The following NRP1 variants were observed in gnomAD, a reference collection of about 807,000 sequenced individuals.
The protein encoded by NRP1 is neuropilin 1.
In NRP1, 35 loss-of-function variants were observed where a neutral mutation model predicts 106.7. The ratio of observed to expected loss-of-function variants is 0.33; its 90% CI spans 0.25 to 0.43. The LOEUF (loss-of-function observed/expected upper bound fraction) is 0.43. Among genes scored for constraint, NRP1 ranks in the 20% least tolerant of loss-of-function variants. The pLI, the probability that NRP1 is intolerant of heterozygous loss-of-function variation, is 1.00. For missense variants in NRP1, 1,024 were observed against 1,170.4 expected, an observed-to-expected ratio of 0.87 and a Z score of 1.83; for synonymous variants, 437 against 417.9, an observed-to-expected ratio of 1.05 and a Z score of -0.56.
At chr10:33,184,342 C>CATGGA (rs1564361007) in intron 15 of NRP1, among the ~76,000 whole-genome samples, 1 of 152,166 alleles carries the variant, frequency 6.6e-6, no homozygotes, top group African/African-American at 2.4e-5. Context: ...CTGGAGCATC[C>CATGGA]GCATGCTGCT....
At chr10:33,256,958 A>T (rs1842237160) in intron 4 of NRP1, among the ~76,000 whole-genome samples, 1 of 152,110 alleles carries the variant, frequency 6.6e-6, no homozygotes. Flanking sequence ...CAGGGGTCTG[A>T]TCCACGATTG....
chr10:33,329,148 A>T (rs895716012), intron 2 of NRP1, among the ~76,000 whole-genome samples: 3 of 152,230 alleles, frequency 2.0e-5, no homozygotes, highest in African/African-American at 7.2e-5. Flanking sequence ...AAAATAAATA[A>T]ATCAATACAA....
chr10:33,300,735 A>G (rs1845744203), intron 2 of NRP1, among the ~76,000 whole-genome samples: 1 of 152,100 alleles, frequency 6.6e-6, no homozygotes, highest in Non-Finnish European at 1.5e-5. Context: ...GAATGCAACC[A>G]TTTGTCTCTT....
intron 2 of NRP1, among the ~76,000 whole-genome samples, chr10:33,318,937 G>A (rs1847237331): frequency 6.6e-6 from 1 of 151,472 alleles, no homozygotes; most frequent in Non-Finnish European, 1.5e-5. Context: ...ATGGAAGAGG[G>A]TGAGAGGTGA....
chr10:33,270,946 TGTGCCAG>T, intron 2 of NRP1, 90 bp from the exon 3 acceptor site: 1 of 1,173,940 alleles, frequency 8.5e-7, no homozygotes, highest in East Asian at 2.6e-5. Context: ...TCCAGCATAG[TGTGCCAG>T]GAAGAAAAAA....
At chr10:33,247,472 T>C (rs1363922097) in intron 6 of NRP1, among the ~76,000 whole-genome samples, 2 of 152,130 alleles carry the variant, frequency 1.3e-5, no homozygotes, top group Non-Finnish European at 1.5e-5. Flanking sequence ...CTGGATGGGA[T>C]GTTGGTGAAG....
chr10:33,262,488 A>G (rs1842638554), intron 4 of NRP1, among the ~76,000 whole-genome samples: 1 of 152,036 alleles, frequency 6.6e-6, no homozygotes, highest in Non-Finnish European at 1.5e-5. Flanking sequence ...GGATCTCTTG[A>G]GGTCAGGAGT....
At chr10:33,256,263 G>A in intron 5 of NRP1, 53 bp downstream of exon 5, 1 of 1,571,120 alleles carries the variant, frequency 6.4e-7, no homozygotes, top group Non-Finnish European at 8.7e-7. Context: ...TGTGTGAGCA[G>A]GAATAACATT....
rs1296251277 is a variant in NRP1, at chr10:33,263,749, A to T, written c.555T>A (p.Ile185=). 6.2e-7 allele frequency: 1 copy of T among 1,614,042 alleles called. No individual in the cohort carries two copies. Among genetic ancestry groups the T allele is most frequent in the Admixed American group, 1.7e-5 (1 of 60,028 alleles). Reference sequence around the variant, plus strand: ...GGTCAAAGCTTTCAAATTCCAGGATAATCTCTGACATCTTTGGCACAAAGA... The same window carrying T: ...GGTCAAAGCTTTCAAATTCCAGGATTATCTCTGACATCTTTGGCACAAAGA... The part of the protein sequence containing the change: ...YIVFVPKMSE[I]ILEFESFDLE... The change falls in exon 4 of 17, where the codon ATT becomes ATA. Residue 185 remains isoleucine (I), a synonymous_variant. Transcript: ENST00000374867.
intron 2 of NRP1, among the ~76,000 whole-genome samples, chr10:33,300,458 C>A (rs557726059): frequency 1.3e-5 from 2 of 152,308 alleles, no homozygotes; most frequent in Non-Finnish European, 2.9e-5. Flanking sequence ...GAGTTCCTCC[C>A]GCCCGGCCTG....
chr10:33,180,537 G>C (rs1403787092), intron 16 of NRP1, among the ~76,000 whole-genome samples, 172 bp from the exon 17 acceptor site: 2 of 152,110 alleles, frequency 1.3e-5, no homozygotes, highest in African/African-American at 2.4e-5. Flanking sequence ...GGGAGTGGGC[G>C]CTGGGGCTTC....
intron 6 of NRP1, among the ~76,000 whole-genome samples, chr10:33,243,013 G>A (rs1310393128): frequency 1.3e-5 from 2 of 152,148 alleles, no homozygotes; most frequent in African/African-American, 2.4e-5. Flanking sequence ...GTCTGTAATG[G>A]TGGGTAAGCC....
At chr10:33,203,165 A>G (rs2247715) in intron 10 of NRP1, among the ~76,000 whole-genome samples, 170 bp from the exon 11 acceptor site, 70,323 of 152,164 alleles carry the variant, frequency 0.46, 16,589 homozygotes, top group East Asian at 0.74. Context: ...TCTGCAGAAT[A>G]TATAATAGCA....
intron 2 of NRP1, among the ~76,000 whole-genome samples, chr10:33,276,924 TA>T (rs1391881938): frequency 6.6e-6 from 1 of 151,988 alleles, no homozygotes; most frequent in East Asian, 1.9e-4. Flanking sequence ...CAAGAACCCC[TA>T]ACCCCCTCTC....
chr10:33,235,254 A>ATTTT (rs1840465643), intron 6 of NRP1, among the ~76,000 whole-genome samples: 1 of 152,216 alleles, frequency 6.6e-6, no homozygotes, highest in Non-Finnish European at 1.5e-5. Flanking sequence ...AAGAAACAAA[A>ATTTT]GGGACTCGAT....
chr10:33,244,562 T>C (rs1385752017), intron 6 of NRP1, among the ~76,000 whole-genome samples: 1 of 152,242 alleles, frequency 6.6e-6, no homozygotes, highest in African/African-American at 2.4e-5. Flanking sequence ...CCATCAACTT[T>C]GCCTCCTTAT....
At chr10:33,225,233 G>A (rs1425697180) in intron 7 of NRP1, among the ~76,000 whole-genome samples, 1 of 152,138 alleles carries the variant, frequency 6.6e-6, no homozygotes, top group African/African-American at 2.4e-5. Flanking sequence ...GGAATTAATA[G>A]ATTTTCTCAC....
intron 2 of NRP1, among the ~76,000 whole-genome samples, chr10:33,320,258 A>G (rs1240339991): frequency 6.6e-6 from 1 of 150,648 alleles, no homozygotes; most frequent in African/African-American, 2.4e-5. Context: ...GGTTGCAGTG[A>G]GCCGACTTTG....
chr10:33,308,373 TTA>T (rs199994994), intron 2 of NRP1, among the ~76,000 whole-genome samples: 2,919 of 149,776 alleles, frequency 0.019, 87 homozygotes, highest in African/African-American at 0.066. Flanking sequence ...AACAAAAGTT[TTA>T]TATATATACA....
Sources: allele counts gnomAD v4.1 joint callset (sites outside exome capture counted in the v4.1 genomes callset), GRCh38; gene constraint gnomAD v4.1.1; transcripts MANE v1.5; gene names NCBI Gene and HGNC (gene_info 2026-07-23, HGNC 2026-07-21).